Variants in ADAM23 observed in about 807,000 individuals in gnomAD.
ADAM23 encodes the protein disintegrin and metalloproteinase domain-containing protein 23.
A neutral mutation model predicts 120.1 loss-of-function variants in ADAM23; 33 were observed. The ratio of observed to expected loss-of-function variants is 0.27; its 90% CI spans 0.21 to 0.37. The LOEUF is 0.37. ADAM23 is among the 10% of genes least tolerant of loss of function. The pLI is 1.00. For missense variants in ADAM23, 862 were observed against 1,058.2 expected (o/e 0.81, Z 2.57); for synonymous variants, 367 against 375.2 (o/e 0.98, Z 0.25).
At chr2:206,467,066 C>T (rs1043646839) in intron 2 of ADAM23, among the ~76,000 whole-genome samples, 1 of 150,822 alleles carries the variant, frequency 6.6e-6, no homozygotes, top group African/African-American at 2.5e-5. Context: ...CAAATCACCT[C>T]CCAACAGTCC....
At chr2:206,489,751 C>G (rs1696092090) in intron 3 of ADAM23, among the ~76,000 whole-genome samples, 1 of 152,312 alleles carries the variant, frequency 6.6e-6, no homozygotes, top group Non-Finnish European at 1.5e-5. Flanking sequence ...TTGGAGTCTC[C>G]TTCACCGTGG....
intron 15 of ADAM23, among the ~76,000 whole-genome samples, chr2:206,568,275 T>C (rs937672946): frequency 2.0e-5 from 3 of 152,206 alleles, no homozygotes; most frequent in African/African-American, 4.8e-5. Context: ...ACATTGTCAA[T>C]TGGCATCTCG....
At chr2:206,613,099 G>A (rs748406886) in intron 25 of ADAM23, among the ~76,000 whole-genome samples, 1 of 151,386 alleles carries the variant, frequency 6.6e-6, no homozygotes, top group Non-Finnish European at 1.5e-5. Flanking sequence ...TGCTTTTATT[G>A]CCCAGGCTGG....
chr2:206,453,272 C>T (rs762785668), intron 2 of ADAM23, among the ~76,000 whole-genome samples: 2 of 152,176 alleles, frequency 1.3e-5, no homozygotes, highest in South Asian at 4.1e-4. Context: ...TGGCAAGAAC[C>T]GAATCTATCA....
chr2:206,502,428 C>T (rs1276818285), intron 3 of ADAM23, among the ~76,000 whole-genome samples: 2 of 152,026 alleles, frequency 1.3e-5, no homozygotes, highest in African/African-American at 4.8e-5. Context: ...TTACTTCTTT[C>T]ATATGTAATA....
At chr2:206,496,823 A>G (rs1444301212) in intron 3 of ADAM23, among the ~76,000 whole-genome samples, 1 of 152,224 alleles carries the variant, frequency 6.6e-6, no homozygotes, top group Non-Finnish European at 1.5e-5. Context: ...AGGGGATATC[A>G]CCACCGATCC....
Position 206,618,350 on chromosome 2 carries a change from T to A in ADAM23, c.*723T>A, listed in dbSNP as rs1039488309. On this transcript the variant is annotated 3_prime_UTR_variant, in exon 26 of 26. Coordinates refer to ENST00000264377, the MANE Select transcript of ADAM23 (RefSeq NM_003812.4). Reference sequence around the variant, plus strand: ...GCTCTTGTTGATTCACTTTCCCCATTGTGTTTTCTCCTGGACTGAGCATCC... The same window carrying A: ...GCTCTTGTTGATTCACTTTCCCCATAGTGTTTTCTCCTGGACTGAGCATCC... 6.6e-6 allele frequency: 1 copy of A among 152,240 alleles called. No homozygotes were observed. Among genetic ancestry groups the A allele is most frequent in the Non-Finnish European group, 1.5e-5 (1 of 68,090 alleles). 9.4% of individuals were successfully genotyped at this position (152,240 alleles called of 1,614,324 possible).
At chr2:206,552,237 T>C (rs1250794210) in intron 9 of ADAM23, among the ~76,000 whole-genome samples, 2 of 152,304 alleles carry the variant, frequency 1.3e-5, no homozygotes, top group East Asian at 3.9e-4. Flanking sequence ...CATTCTCAAA[T>C]AGCTGTTAAT....
intron 3 of ADAM23, among the ~76,000 whole-genome samples, chr2:206,503,081 G>T (rs1196656581): frequency 6.6e-6 from 1 of 152,144 alleles, no homozygotes; most frequent in Non-Finnish European, 1.5e-5. Flanking sequence ...ATTTATACAT[G>T]TGCGTTATAA....
At chr2:206,504,947 T>TA (rs934774413) in intron 3 of ADAM23, among the ~76,000 whole-genome samples, 3 of 152,172 alleles carry the variant, frequency 2.0e-5, no homozygotes, top group African/African-American at 7.2e-5. Flanking sequence ...AAAGATTAAG[T>TA]AAAAAGAAGA....
chr2:206,577,892 G>T (rs996322658), intron 18 of ADAM23, among the ~76,000 whole-genome samples: 9 of 151,294 alleles, frequency 5.9e-5, no homozygotes, highest in African/African-American at 1.9e-4. Flanking sequence ...GTGTAAAAGT[G>T]TTCCTATTTC....
chr2:206,593,089 G>A (rs1574554380), intron 22 of ADAM23, among the ~76,000 whole-genome samples: 1 of 152,100 alleles, frequency 6.6e-6, no homozygotes, highest in South Asian at 2.1e-4. Context: ...TTTTGTGACT[G>A]AAAAGAAAAA....
At chr2:206,570,676 G>A in intron 15 of ADAM23, 64 bp from the exon 16 acceptor site, 1 of 1,328,712 alleles carries the variant, frequency 7.5e-7, no homozygotes, top group Non-Finnish European at 1.1e-6. Context: ...ATGTGGCCCA[G>A]TTGATGTGCT....
intron 24 of ADAM23, chr2:206,607,807 A>T (rs1004360881): frequency 3.8e-6 from 1 of 262,920 alleles, no homozygotes; most frequent in African/African-American, 2.3e-5. Flanking sequence ...ATGTAGTACA[A>T]TATAGATTGT....
chr2:206,605,649 A>G (rs1698714675), intron 24 of ADAM23: 5 of 638,502 alleles, frequency 7.8e-6, no homozygotes, highest in Middle Eastern at 6.9e-4. Flanking sequence ...GTGTATGTAG[A>G]TCTTAATTTC....
At chr2:206,499,116 T>A (rs1696324040) in intron 3 of ADAM23, among the ~76,000 whole-genome samples, 1 of 151,860 alleles carries the variant, frequency 6.6e-6, no homozygotes, top group Non-Finnish European at 1.5e-5. Context: ...GAACTAGAAA[T>A]ACCATTTGAC....
intron 14 of ADAM23, 52 bp from the exon 15 acceptor site, chr2:206,567,171 T>G: frequency 7.2e-7 from 1 of 1,396,764 alleles, no homozygotes. Context: ...TTTTCTTCTC[T>G]GATGATTGCT....
chr2:206,491,818 T>C (rs1696140569), intron 3 of ADAM23, among the ~76,000 whole-genome samples: 1 of 152,182 alleles, frequency 6.6e-6, no homozygotes, highest in Non-Finnish European at 1.5e-5. Flanking sequence ...TGACGCCTGA[T>C]GTAGTAGGGC....
intron 2 of ADAM23, among the ~76,000 whole-genome samples, chr2:206,474,011 CAA>C (rs761985007): frequency 3.5e-5 from 2 of 57,862 alleles, no homozygotes; most frequent in Non-Finnish European, 7.7e-5. Flanking sequence ...GACCCTGTCT[CAA>C]AAAAAAAAAA....
Sources: gnomAD v4.1 joint callset for allele counts (sites outside exome capture counted in the v4.1 genomes callset) on GRCh38, gnomAD v4.1.1 for gene constraint, MANE v1.5 for transcripts, NCBI Gene and HGNC (gene_info 2026-07-23, HGNC 2026-07-21) for gene names.